The following NFYA variants were observed in gnomAD, a reference collection of about 807,000 sequenced individuals.
NFYA encodes nuclear transcription factor Y subunit alpha.
In NFYA, 28 loss-of-function variants were observed where a neutral mutation model predicts 52.8. The observed-to-expected ratio is 0.53, with a 90% CI of 0.39 to 0.73. The LOEUF is 0.73. Among genes scored for constraint, NFYA ranks in the 30% least tolerant of loss-of-function variants. NFYA has a pLI of 0.00. For synonymous variants in NFYA, 150 were observed against 150.7 expected, an observed-to-expected ratio of 1.00 and a Z score of 0.03; for missense variants, 234 against 427.0, an observed-to-expected ratio of 0.55 and a Z score of 3.98.
chr6:41,082,141 G>A (rs553875747), intron 3 of NFYA, among the ~76,000 whole-genome samples: 1 of 152,320 alleles, frequency 6.6e-6, no homozygotes, highest in African/African-American at 2.4e-5. Flanking sequence ...GCATCCAGCA[G>A]ATAACTACCT....
At chr6:41,080,922 G>A (rs1763887899) in intron 3 of NFYA, 25 bp downstream of exon 3, 1 of 1,582,084 alleles carries the variant, frequency 6.3e-7, no homozygotes, top group Non-Finnish European at 8.7e-7. Flanking sequence ...GATTCTCTGT[G>A]AGCACTGCAT....
In NFYA at chr6:41,073,056, C is replaced by G. The variant is rs1434592005; in HGVS notation, c.-90C>G. ...AGTCCGGTACTGGAGCCAATCAGCGCGGGCAGCGAACCGGGGGAGCGAGGC... is the reference window on the plus strand; with the variant it reads ...AGTCCGGTACTGGAGCCAATCAGCGGGGGCAGCGAACCGGGGGAGCGAGGC... On this transcript the variant is annotated 5_prime_UTR_variant, in exon 1 of 10. Coordinates refer to ENST00000341376, the MANE Select transcript of NFYA (RefSeq NM_002505.5). The G allele has an allele frequency of 6.5e-6, 1 of 153,852 alleles. No individual in the cohort carries two copies. Among genetic ancestry groups the G allele is most frequent in the African/African-American group, 2.4e-5 (1 of 41,458 alleles). 9.5% of individuals were successfully genotyped at this position (153,852 alleles called of 1,614,324 possible). A position where few individuals can be genotyped will look rare whatever the true frequency, so the allele number is the denominator to read the frequency against.
chr6:41,095,039 A>G (rs924298814), intron 9 of NFYA, among the ~76,000 whole-genome samples: 11 of 152,172 alleles, frequency 7.2e-5, no homozygotes, highest in African/African-American at 2.2e-4. Context: ...TTAGATTTAT[A>G]AAATAGCTGC....
intron 4 of NFYA, among the ~76,000 whole-genome samples, chr6:41,084,875 A>G (rs1764001343): frequency 6.6e-6 from 1 of 152,196 alleles, no homozygotes; most frequent in Non-Finnish European, 1.5e-5. Context: ...GGCATAAGAT[A>G]TCTTGAACCC....
At chr6:41,091,049 A>C (rs887959905) in intron 6 of NFYA, among the ~76,000 whole-genome samples, 1 of 152,242 alleles carries the variant, frequency 6.6e-6, no homozygotes, top group African/African-American at 2.4e-5. Flanking sequence ...CTCAAACAGA[A>C]TGGTGAACAA....
In NFYA at chr6:41,097,505, T is replaced by C; in HGVS notation, c.*95T>C. The C allele has an allele frequency of 7.6e-7, 1 of 1,315,858 alleles. No homozygotes were observed. Among genetic ancestry groups the C allele is most frequent in the Non-Finnish European group, 1.1e-6 (1 of 918,450 alleles). The allele number at this position is 1,315,858 out of a possible 1,614,324, so 81.5% of individuals were successfully genotyped here. On this transcript the variant is annotated 3_prime_UTR_variant, in exon 10 of 10. Transcript: ENST00000341376. ...CAATGGGACATTGATGATCACATTC[T>C]GCCCTTTACTACAGGACAGAAACCA...
At chr6:41,085,903 G>A (rs1340789192) in intron 4 of NFYA, among the ~76,000 whole-genome samples, 1 of 152,092 alleles carries the variant, frequency 6.6e-6, no homozygotes, top group Admixed American at 6.6e-5. Context: ...GAATTCTCAG[G>A]ATAATTTCTT....
Position 41,091,553 on chromosome 6 carries a change from C to A in NFYA, c.573C>A (p.Ile191=). Residue 191 remains isoleucine, a synonymous_variant, in exon 7 of 10, where the codon ATC becomes ATA. Transcript: ENST00000341376. ...QQVTVPVSGM[I]TIPAASLAGA... ...TTACAGTCCCTGTTTCAGGCATGAT[C>A]ACTATCCCAGCAGCCAGTTTGGCAG... 6.2e-7 allele frequency: 1 copy of A among 1,614,062 alleles called. No homozygotes were observed. Among genetic ancestry groups the A allele is most frequent in the South Asian group, 1.1e-5 (1 of 91,052 alleles).
Position 41,076,155 on chromosome 6 carries a change from C to A in NFYA, c.-61-2874C>A, listed in dbSNP as rs185024956. ...CATGATGATGGCTCACGACTGTAATCCCAGCACTTTGGGAAGCCGAAGTGG... is the reference window on the plus strand; with the variant it reads ...CATGATGATGGCTCACGACTGTAATACCAGCACTTTGGGAAGCCGAAGTGG... On this transcript the variant is annotated intron_variant, in intron 1 of 9. Coordinates refer to ENST00000341376, the MANE Select transcript of NFYA (RefSeq NM_002505.5). Among the ~76,000 whole-genome samples, 587 of 152,214 alleles carry A rather than the reference C, an allele frequency of 3.9e-3. 10 individuals carry two copies. In the South Asian group the frequency reaches 0.061, roughly 16 times the overall value.
chr6:41,082,838 A>T (rs1016901057), intron 3 of NFYA, among the ~76,000 whole-genome samples: 4 of 152,206 alleles, frequency 2.6e-5, no homozygotes, highest in African/African-American at 9.6e-5. Flanking sequence ...TAAAGTCCTT[A>T]AAAAAGTAAA....
At chr6:41,097,211 C>A in intron 9 of NFYA, 146 bp from the exon 10 acceptor site, 1 of 694,794 alleles carries the variant, frequency 1.4e-6, no homozygotes, top group Non-Finnish European at 2.5e-6. Flanking sequence ...CACTTTAAGC[C>A]ATGTATGCAG....
At chr6:41,085,379 A>G (rs1349486674) in intron 4 of NFYA, among the ~76,000 whole-genome samples, 4 of 152,244 alleles carry the variant, frequency 2.6e-5, no homozygotes, top group Non-Finnish European at 5.9e-5. Context: ...GGAATATTGC[A>G]TCATCATTAA....
intron 6 of NFYA, among the ~76,000 whole-genome samples, chr6:41,090,902 CA>C (rs1398899183): frequency 6.6e-6 from 1 of 151,994 alleles, no homozygotes; most frequent in Non-Finnish European, 1.5e-5. Flanking sequence ...ATAGTTAAAT[CA>C]AAAAAGGACA....
At position 41,091,649 on chromosome 6, in the gene NFYA, ACT is replaced by A; in HGVS notation, c.670_671del (p.Leu224ThrfsTer37). On this transcript the variant is annotated frameshift_variant, in exon 7 of 10. Transcript: ENST00000341376. LOFTEE classifies it high-confidence loss of function. The stretch of plus-strand genomic sequence containing the variant: ...GTGGGCAAGGGACTGTCACTGTGAC[ACT>A]ACCAGTGGCAGGCAATGTGGTCAAT... ...SSGQGTVTVT[L>X]PVAGNVVNSG... The A allele has an allele frequency of 6.2e-7, 1 of 1,614,176 alleles. No individual in the cohort carries two copies. Among genetic ancestry groups the A allele is most frequent in the Non-Finnish European group, 8.5e-7 (1 of 1,180,008 alleles).
rs1192120131 is a variant in NFYA at position 41,098,832 on chromosome 6, C to T, written c.*1422C>T. 2 of 152,608 alleles carry T rather than the reference C, an allele frequency of 1.3e-5. No individual in the cohort carries two copies. Among genetic ancestry groups the T allele is most frequent in the Non-Finnish European group, 1.5e-5 (1 of 68,042 alleles). The allele number at this position is 152,608 out of a possible 1,614,324, so 9.5% of individuals were successfully genotyped here. A position where few individuals can be genotyped will look rare whatever the true frequency, so the allele number is the denominator to read the frequency against. On this transcript the variant is annotated 3_prime_UTR_variant, in exon 10 of 10. Coordinates refer to ENST00000341376, the MANE Select transcript of NFYA (RefSeq NM_002505.5). ...AGGAACTGGGCCACTGTTCCCAGAACGGGTTGTGCCTCAGAAATCTATTTC... is the reference window on the plus strand; with the variant it reads ...AGGAACTGGGCCACTGTTCCCAGAATGGGTTGTGCCTCAGAAATCTATTTC...
In NFYA at chr6:41,080,811, C is replaced by T. The variant is rs763937380; in HGVS notation, c.76C>T (p.Gln26Ter). ...AAGCTCTTCCTGTTCCTGTTCTCAG[C>T]AGCAGGGTGGTGTCACTGCTGTGCA... ...VVQAGQIQQQ[Q>*]QGGVTAVQLQ... is the part of the protein sequence containing the mutation. The change falls in exon 3 of 10, where the codon CAG (glutamine) becomes TAG (stop). Residue 26 changes from glutamine (Q) to a stop codon, truncating the protein, a stop_gained and splice_region_variant. Transcript: ENST00000341376. LOFTEE classifies it high-confidence loss of function. The T allele has an allele frequency of 6.2e-7, 1 of 1,612,810 alleles. No homozygotes were observed. The highest frequency in any genetic ancestry group is 1.1e-5 in the South Asian group (1 of 91,046).
intron 4 of NFYA, among the ~76,000 whole-genome samples, chr6:41,086,956 T>A (rs1764064936): frequency 1.3e-5 from 2 of 152,134 alleles, no homozygotes; most frequent in Admixed American, 1.3e-4. Flanking sequence ...AGGATATTTT[T>A]AAAAACAAAT....
Position 41,099,664 on chromosome 6 carries a change from G to A in NFYA, c.*2254G>A, listed in dbSNP as rs1764448630. 1 of 149,936 alleles carries A rather than the reference G, an allele frequency of 6.7e-6. No homozygotes were observed. The highest frequency in any genetic ancestry group is 1.5e-5 in the Non-Finnish European group (1 of 67,722). 9.3% of individuals were successfully genotyped at this position (149,936 alleles called of 1,614,324 possible). ...TGATAACTTTACAGATGGAGAAAGAGTGAATGGATGAATGAATAATTGGTT... is the reference window on the plus strand; with the variant it reads ...TGATAACTTTACAGATGGAGAAAGAATGAATGGATGAATGAATAATTGGTT... On this transcript the variant is annotated 3_prime_UTR_variant, in exon 10 of 10. Transcript: ENST00000341376.
chr6:41,074,320 A>G (rs1763666652), intron 1 of NFYA, among the ~76,000 whole-genome samples: 1 of 152,222 alleles, frequency 6.6e-6, no homozygotes, highest in Non-Finnish European at 1.5e-5. Flanking sequence ...CAGTTAGTAT[A>G]TGCCAGGTAT....
Sources: gnomAD v4.1 joint callset for allele counts (sites outside exome capture counted in the v4.1 genomes callset) on GRCh38, gnomAD v4.1.1 for gene constraint, MANE v1.5 for transcripts, NCBI Gene and HGNC (gene_info 2026-07-23, HGNC 2026-07-21) for gene names.